GTF2A1L: variants seen among roughly 807,000 people sequenced by gnomAD.
The protein encoded by GTF2A1L is general transcription factor IIA subunit 1 like.
A neutral mutation model predicts 49.7 loss-of-function variants in GTF2A1L; 48 were observed. The ratio of observed to expected loss-of-function variants is 0.97; its 90% confidence interval spans 0.77 to 1.23. The LOEUF (loss-of-function observed/expected upper bound fraction) is 1.23. GTF2A1L is among the 50% of genes most tolerant of loss of function. GTF2A1L has a pLI of 0.00. For missense variants in GTF2A1L, 736 were observed against 564.8 expected (o/e 1.30, Z -3.07); for synonymous variants, 246 against 193.5 (o/e 1.27, Z -2.25).
chr2:48,629,815 C>T lies in GTF2A1L; in HGVS notation c.247+8525C>T, dbSNP rs1176217765. Among the ~76,000 whole-genome samples, 2 of 144,426 alleles carry T rather than the reference C, an allele frequency of 1.4e-5. 1 individual carries two copies. Among genetic ancestry groups the T allele is most frequent in the Non-Finnish European group, 3.1e-5 (2 of 64,090 alleles). The allele number at this position is 144,426 out of a possible 152,430, so 94.7% of individuals were successfully genotyped here. A position where few individuals can be genotyped will look rare whatever the true frequency, so the allele number is the denominator to read the frequency against. On this transcript the variant is annotated intron_variant, in intron 3 of 8. Coordinates refer to ENST00000403751, the MANE Select transcript of GTF2A1L (RefSeq NM_006872.5). ...TTTGTATGTGGTAAAAGGTAGGAGT[C>T]TAGTTCATTCTTCTGCATATGGCTA...
chr2:48,653,849 A>G (rs1678006138), intron 6 of GTF2A1L, among the ~76,000 whole-genome samples: 1 of 149,340 alleles, frequency 6.7e-6, no homozygotes, highest in Non-Finnish European at 1.5e-5. Flanking sequence ...ATGAGAGAGA[A>G]TAGCTTGAAC....
chr2:48,621,678 G>A (rs1048348960), intron 3 of GTF2A1L, among the ~76,000 whole-genome samples: 1 of 152,076 alleles, frequency 6.6e-6, no homozygotes, highest in Non-Finnish European at 1.5e-5. Flanking sequence ...CTTATTTTTT[G>A]TGTATATTAT....
At chr2:48,636,330 T>A (rs1280302499) in intron 3 of GTF2A1L, among the ~76,000 whole-genome samples, 2 of 152,228 alleles carry the variant, frequency 1.3e-5, no homozygotes, top group East Asian at 3.9e-4. Flanking sequence ...TAAAAGGAAG[T>A]ATACTTGCTA....
At chr2:48,663,909 G>A (rs1034448200) in intron 6 of GTF2A1L, among the ~76,000 whole-genome samples, 3 of 152,012 alleles carry the variant, frequency 2.0e-5, no homozygotes, top group Non-Finnish European at 2.9e-5. Context: ...CACCACACCT[G>A]GTCTAAAGGT....
intron 1 of GTF2A1L, among the ~76,000 whole-genome samples, chr2:48,619,624 G>A (rs747990403): frequency 4.6e-5 from 7 of 152,086 alleles, no homozygotes; most frequent in East Asian, 1.9e-4. Flanking sequence ...TCATTTTGGC[G>A]TGATTAAGCA....
chr2:48,674,572 C>G (rs1043571606), intron 8 of GTF2A1L, among the ~76,000 whole-genome samples: 2 of 152,030 alleles, frequency 1.3e-5, no homozygotes, highest in Non-Finnish European at 2.9e-5. Flanking sequence ...AGAAAAGGAA[C>G]AGTTCTTAGT....
At chr2:48,670,015 A>T in intron 7 of GTF2A1L, 33 bp downstream of exon 7, 1 of 1,571,492 alleles carries the variant, frequency 6.4e-7, no homozygotes, top group Non-Finnish European at 8.6e-7. Flanking sequence ...GACTTCCTTT[A>T]TTAATTTATA....
chr2:48,646,036 A>G (rs1346554493), intron 5 of GTF2A1L, among the ~76,000 whole-genome samples: 1 of 151,580 alleles, frequency 6.6e-6, no homozygotes, highest in Non-Finnish European at 1.5e-5. Context: ...TCTCTTTTGG[A>G]TAGCATTGTC....
intron 6 of GTF2A1L, among the ~76,000 whole-genome samples, chr2:48,655,774 TA>T (rs1361414803): frequency 1.3e-5 from 2 of 152,186 alleles, no homozygotes; most frequent in African/African-American, 4.8e-5. Context: ...CATTGTTGTG[TA>T]GCTATCACCA....
intron 8 of GTF2A1L, among the ~76,000 whole-genome samples, chr2:48,677,460 G>A (rs1414095581): frequency 6.6e-6 from 1 of 151,948 alleles, no homozygotes; most frequent in East Asian, 1.9e-4. Context: ...TCCTGAGGTA[G>A]GAGTATGCCC....
intron 6 of GTF2A1L, among the ~76,000 whole-genome samples, chr2:48,652,377 A>G (rs1677896808): frequency 6.6e-6 from 1 of 152,074 alleles, no homozygotes; most frequent in Non-Finnish European, 1.5e-5. Flanking sequence ...GCACTTTGGG[A>G]GGCCAAAGCG....
chr2:48,660,726 T>TAGAG (rs1213323583), intron 6 of GTF2A1L, among the ~76,000 whole-genome samples: 1 of 152,084 alleles, frequency 6.6e-6, no homozygotes, highest in Non-Finnish European at 1.5e-5. Flanking sequence ...CTGCAACCTC[T>TAGAG]GCCTCCTGAG....
intron 8 of GTF2A1L, among the ~76,000 whole-genome samples, chr2:48,671,898 T>G (rs752975724): frequency 6.6e-6 from 1 of 152,184 alleles, no homozygotes; most frequent in Non-Finnish European, 1.5e-5. Context: ...AGTAATGATC[T>G]TATTGAAACA....
chr2:48,638,689 C>T (rs972463273), intron 3 of GTF2A1L, among the ~76,000 whole-genome samples: 9 of 152,122 alleles, frequency 5.9e-5, no homozygotes, highest in African/African-American at 2.2e-4. Flanking sequence ...TCTCTCACCA[C>T]TCCTATTCAA....
At chr2:48,660,123 T>C (rs926967539) in intron 6 of GTF2A1L, among the ~76,000 whole-genome samples, 3 of 152,066 alleles carry the variant, frequency 2.0e-5, no homozygotes, top group African/African-American at 7.2e-5. Flanking sequence ...TATCCTTGCA[T>C]CCCAGGATTA....
At chr2:48,676,534 A>G (rs1347156274) in intron 8 of GTF2A1L, among the ~76,000 whole-genome samples, 1 of 151,860 alleles carries the variant, frequency 6.6e-6, no homozygotes, top group African/African-American at 2.4e-5. Flanking sequence ...TTTGTTCATA[A>G]TCTTTGTCTA....
At chr2:48,627,687 T>C (rs1676359267) in intron 3 of GTF2A1L, among the ~76,000 whole-genome samples, 1 of 144,100 alleles carries the variant, frequency 6.9e-6, no homozygotes, top group Non-Finnish European at 1.6e-5. Flanking sequence ...CAAGTAAAAA[T>C]GGTGTTTCTT....
Position 48,627,162 on chromosome 2 carries a change from T to C in GTF2A1L, c.247+5872T>C, listed in dbSNP as rs560950702. Among the ~76,000 whole-genome samples the C allele has an allele frequency of 9.0e-5, 13 of 144,074 alleles. 1 individual carries two copies. In the South Asian group the frequency reaches 1.2e-3, roughly 13 times the overall value. 94.5% of individuals were successfully genotyped at this position (144,074 alleles called of 152,430 possible). A position where few individuals can be genotyped will look rare whatever the true frequency, so the allele number is the denominator to read the frequency against. On this transcript the variant is annotated intron_variant, in intron 3 of 8. Coordinates refer to ENST00000403751, the MANE Select transcript of GTF2A1L (RefSeq NM_006872.5). The stretch of plus-strand genomic sequence containing the variant: ...GTGATATGTTGTTTTTGTGAAAGTA[T>C]AGGAAGAAAATCTAGCCTTCCACAG...
In GTF2A1L at chr2:48,653,199, T is replaced by TG. The variant is rs1283556299; in HGVS notation, c.978+6158dup. Among the ~76,000 whole-genome samples the TG allele has an allele frequency of 1.5e-4, 20 of 131,598 alleles. 2 individuals are homozygous for TG. Among genetic ancestry groups the TG allele is most frequent in the African/African-American group, 5.8e-4 (20 of 34,382 alleles). 86.3% of individuals were successfully genotyped at this position (131,598 alleles called of 152,430 possible). On this transcript the variant is annotated intron_variant, in intron 6 of 8. Transcript: ENST00000403751. The stretch of plus-strand genomic sequence containing the variant: ...TTGCGCCACTGCACTCCAGCCTGGG[T>TG]GACAGAGCCAGACTCTGTCTCAAAA...
Sources: gnomAD v4.1 joint callset for allele counts (sites outside exome capture counted in the v4.1 genomes callset) on GRCh38, gnomAD v4.1.1 for gene constraint, MANE v1.5 for transcripts, NCBI Gene and HGNC (gene_info 2026-07-23, HGNC 2026-07-21) for gene names.